The following EFCAB5 variants were observed in gnomAD, a reference collection of about 807,000 sequenced individuals.
The protein encoded by EFCAB5 is EF-hand calcium-binding domain-containing protein 5.
Under a neutral mutation model 167.9 loss-of-function variants are expected in EFCAB5, and 131 were observed. The observed-to-expected ratio is 0.78, with a 90% CI of 0.68 to 0.90. EFCAB5 has a LOEUF of 0.90. EFCAB5 is among the 40% of genes least tolerant of loss of function. EFCAB5 has a pLI of 0.00. For synonymous variants in EFCAB5, 574 were observed against 602.8 expected, an observed-to-expected ratio of 0.95 and a Z score of 0.70; for missense variants, 1,663 against 1,745.2, an observed-to-expected ratio of 0.95 and a Z score of 0.84.
intron 7 of EFCAB5, among the ~76,000 whole-genome samples, chr17:30,025,527 T>C (rs2069294681): frequency 6.6e-6 from 1 of 152,180 alleles, no homozygotes; most frequent in Non-Finnish European, 1.5e-5. Flanking sequence ...CAACAGGTGC[T>C]GGAGAGGACG....
At chr17:29,960,055 C>T (rs145926773) in intron 3 of EFCAB5, among the ~76,000 whole-genome samples, 50 of 152,252 alleles carry the variant, frequency 3.3e-4, no homozygotes, top group African/African-American at 1.0e-3. Context: ...CTAAATGCTC[C>T]CTCTGTGGGC....
intron 4 of EFCAB5, among the ~76,000 whole-genome samples, chr17:29,981,345 G>A (rs1026921951): frequency 6.6e-6 from 1 of 152,126 alleles, no homozygotes; most frequent in African/African-American, 2.4e-5. Flanking sequence ...TAAACATACT[G>A]TGCTTCTCCC....
At chr17:29,993,137 A>G (rs1436799803) in intron 4 of EFCAB5, 28 bp from the exon 5 acceptor site, 3 of 1,568,468 alleles carry the variant, frequency 1.9e-6, no homozygotes, top group Admixed American at 1.9e-5. Context: ...TATTAACTCA[A>G]CATGTTTTCT....
At chr17:30,036,410 TAGAGAGAG>T (rs1019505833) in intron 8 of EFCAB5, among the ~76,000 whole-genome samples, 2 of 137,356 alleles carry the variant, frequency 1.5e-5, no homozygotes, top group South Asian at 4.5e-4. Context: ...TATATAATAT[TAGAGAGAG>T]AGAGAGAGAG....
chr17:29,962,928 T>C (rs2067751131), intron 3 of EFCAB5, among the ~76,000 whole-genome samples: 1 of 152,092 alleles, frequency 6.6e-6, no homozygotes. Flanking sequence ...AGTGTCGTGT[T>C]AACTGTGAAC....
intron 13 of EFCAB5, 105 bp from the exon 14 acceptor site, chr17:30,059,440 C>A: frequency 8.0e-7 from 1 of 1,246,218 alleles, no homozygotes. Flanking sequence ...CAAAGTAAAC[C>A]TGTTTTAATA....
chr17:30,047,606 A>G (rs564806768), intron 8 of EFCAB5, among the ~76,000 whole-genome samples: 1 of 152,246 alleles, frequency 6.6e-6, no homozygotes, highest in East Asian at 1.9e-4. Context: ...TTTGTCTAGG[A>G]CTCACACTGT....
chr17:29,968,739 G>A, intron 3 of EFCAB5, 52 bp from the exon 4 acceptor site: 1 of 1,367,268 alleles, frequency 7.3e-7, no homozygotes, highest in Non-Finnish European at 9.6e-7. Flanking sequence ...AAGTCACATA[G>A]ATTAAAATTT....
intron 3 of EFCAB5, among the ~76,000 whole-genome samples, chr17:29,960,593 C>T (rs2067702358): frequency 6.6e-6 from 1 of 152,138 alleles, no homozygotes; most frequent in South Asian, 2.1e-4. Flanking sequence ...TCTCCTTCCC[C>T]TACCCCCAAA....
chr17:29,986,772 C>CTATAG (rs2068294131), intron 4 of EFCAB5, among the ~76,000 whole-genome samples: 1 of 151,176 alleles, frequency 6.6e-6, no homozygotes, highest in Admixed American at 6.6e-5. Context: ...CTCAGCCTCC[C>CTATAG]GAGCAGCTGG....
intron 3 of EFCAB5, among the ~76,000 whole-genome samples, chr17:29,956,909 G>A (rs1431903100): frequency 6.6e-6 from 1 of 152,076 alleles, no homozygotes; most frequent in East Asian, 1.9e-4. Flanking sequence ...AGGATAATTT[G>A]ACTTCTTTCT....
At chr17:29,964,600 G>GT (rs2067789708) in intron 3 of EFCAB5, among the ~76,000 whole-genome samples, 1 of 152,040 alleles carries the variant, frequency 6.6e-6, no homozygotes, top group East Asian at 1.9e-4. Flanking sequence ...GCTTATAATT[G>GT]TTTTTTGTTT....
Position 30,039,028 on chromosome 17 carries a change from A to G in EFCAB5, c.1200+4643A>G, listed in dbSNP as rs532212528. ...GAAACCAGCCAGCAACCTGGGGTAA[A>G]GGATCCTCACATACTGCGGTGCCGA... On this transcript the variant is annotated intron_variant, in intron 8 of 22. Coordinates refer to ENST00000394835, the MANE Select transcript of EFCAB5 (RefSeq NM_198529.4). Among the ~76,000 whole-genome samples, 16 of 152,264 alleles carry G rather than the reference A, an allele frequency of 1.1e-4. No individual in the cohort carries two copies. The South Asian group carries it at 3.3e-3, about 32-fold the overall frequency.
intron 3 of EFCAB5, among the ~76,000 whole-genome samples, chr17:29,965,068 A>C (rs572573746): frequency 1.3e-4 from 19 of 145,034 alleles, no homozygotes; most frequent in African/African-American, 4.3e-4. Context: ...CATCCGGCTA[A>C]TTTTTTTTTT....
intron 7 of EFCAB5, among the ~76,000 whole-genome samples, chr17:30,006,376 T>C (rs1441732405): frequency 6.6e-6 from 1 of 152,194 alleles, no homozygotes; most frequent in Non-Finnish European, 1.5e-5. Context: ...GATTCTCTTC[T>C]TCCCAAATCA....
At chr17:30,068,827 C>A (rs528494213) in intron 14 of EFCAB5, 2 of 1,398,504 alleles carry the variant, frequency 1.4e-6, no homozygotes, top group African/African-American at 2.8e-5. Context: ...GAGAGATTTT[C>A]TTCTGGAACA....
At chr17:30,068,609 G>T in intron 14 of EFCAB5, 1 of 1,447,892 alleles carries the variant, frequency 6.9e-7, no homozygotes. Context: ...TCCCTTGTGG[G>T]GCTGCCTGTG....
chr17:29,988,826 A>G (rs534184756), intron 4 of EFCAB5, among the ~76,000 whole-genome samples: 1 of 152,330 alleles, frequency 6.6e-6, no homozygotes, highest in Admixed American at 6.5e-5. Context: ...TATGTGGAAG[A>G]AAAAGTCACT....
rs2071206619 is a variant in EFCAB5 at position 30,091,935 on chromosome 17, G to C, written c.4002G>C (p.Glu1334Asp). The part of the protein sequence containing the change: ...GILFFRIMLL[E>D]LQESIQLLNS... ...TCTTCTTCCGAATCATGCTGCTCGA[G>C]CTACAGGAAAGCATCCAACTACTCA... Residue 1334 changes from glutamate (E) to aspartate (D), a missense_variant, in exon 21 of 23, where the codon GAG (glutamate) becomes GAC (aspartate). By Grantham distance (45) the Glu-to-Asp change is conservative. Transcript: ENST00000394835. 1.9e-6 allele frequency: 3 copies of C among 1,613,880 alleles called. No individual in the cohort carries two copies. The highest frequency in any genetic ancestry group is 2.7e-5 in the African/African-American group (2 of 74,902).
Sources: gnomAD v4.1 joint callset for allele counts (sites outside exome capture counted in the v4.1 genomes callset) on GRCh38, gnomAD v4.1.1 for gene constraint, MANE v1.5 for transcripts, NCBI Gene and HGNC (gene_info 2026-07-23, HGNC 2026-07-21) for gene names.